The following SLC16A7 variants were observed in gnomAD, a reference collection of about 807,000 sequenced individuals.
SLC16A7 encodes solute carrier family 16 member 7.
In SLC16A7, 33 loss-of-function variants were observed where a neutral mutation model predicts 34.9. That is an observed-to-expected ratio of 0.94 (90% CI 0.72 to 1.26). SLC16A7 has a LOEUF of 1.26. SLC16A7 is among the 50% of genes most tolerant of loss of function. The probability of loss-of-function intolerance (pLI) is 0.00; values close to 1 mark genes in which losing one functional copy is unlikely to be tolerated. For synonymous variants in SLC16A7, 201 were observed against 206.6 expected, an observed-to-expected ratio of 0.97 and a Z score of 0.23; for missense variants, 573 against 578.1, an observed-to-expected ratio of 0.99 and a Z score of 0.09.
intron 5 of SLC16A7, among the ~76,000 whole-genome samples, chr12:59,776,384 G>C (rs138080908): frequency 3.3e-5 from 5 of 152,250 alleles, no homozygotes; most frequent in African/African-American, 1.2e-4. Flanking sequence ...AGAGCATTTT[G>C]AAGTTAAAAC....
chr12:59,703,872 ATGTTTT>A (rs1214461996), intron 2 of SLC16A7, among the ~76,000 whole-genome samples: 1 of 152,130 alleles, frequency 6.6e-6, no homozygotes, highest in Non-Finnish European at 1.5e-5. Flanking sequence ...ATAACAAAAC[ATGTTTT>A]ACACCTTAAA....
chr12:59,669,275 C>T (rs1369411603), intron 2 of SLC16A7, among the ~76,000 whole-genome samples: 2 of 152,148 alleles, frequency 1.3e-5, no homozygotes, highest in African/African-American at 4.8e-5. Flanking sequence ...AAACAATCCA[C>T]ATACAATTTG....
chr12:59,720,457 AG>A (rs1348903296), intron 3 of SLC16A7, among the ~76,000 whole-genome samples: 1 of 152,112 alleles, frequency 6.6e-6, no homozygotes, highest in Non-Finnish European at 1.5e-5. Flanking sequence ...TGTCAGACCA[AG>A]GAATGTCCTG....
At chr12:59,628,721 G>A (rs1880045714) in intron 1 of SLC16A7, among the ~76,000 whole-genome samples, 1 of 151,706 alleles carries the variant, frequency 6.6e-6, no homozygotes, top group Non-Finnish European at 1.5e-5. Context: ...TCAGGGCCTG[G>A]CATATGAAAG....
chr12:59,727,300 G>T (rs1321567201), intron 3 of SLC16A7, among the ~76,000 whole-genome samples: 2 of 152,004 alleles, frequency 1.3e-5, no homozygotes, highest in Non-Finnish European at 2.9e-5. Flanking sequence ...CAATGGAGCA[G>T]TGGCTACTTA....
At chr12:59,765,284 C>T (rs977947502) in intron 3 of SLC16A7, among the ~76,000 whole-genome samples, 6 of 152,064 alleles carry the variant, frequency 3.9e-5, no homozygotes, top group African/African-American at 1.4e-4. Context: ...CTGTAGGTTG[C>T]CTGTTCACTC....
chr12:59,714,206 T>C (rs1565667655), intron 3 of SLC16A7, among the ~76,000 whole-genome samples: 1 of 152,132 alleles, frequency 6.6e-6, no homozygotes, highest in Non-Finnish European at 1.5e-5. Context: ...GATTGATCTA[T>C]GGTGAAAAGA....
chr12:59,723,238 T>C (rs1795898), intron 3 of SLC16A7, among the ~76,000 whole-genome samples: 18,632 of 151,886 alleles, frequency 0.12, 1,497 homozygotes, highest in African/African-American at 0.22. Flanking sequence ...CAATCCTAGT[T>C]CTTGCCCTGC....
At chr12:59,616,568 G>A (rs536468482) in intron 1 of SLC16A7, among the ~76,000 whole-genome samples, 2 of 152,194 alleles carry the variant, frequency 1.3e-5, no homozygotes, top group African/African-American at 2.4e-5. Flanking sequence ...TTTGCCTTCA[G>A]TTGTGCAAAA....
chr12:59,686,793 C>T (rs1019484641), intron 2 of SLC16A7, among the ~76,000 whole-genome samples: 1 of 152,000 alleles, frequency 6.6e-6, no homozygotes, highest in Non-Finnish European at 1.5e-5. Context: ...TGGTGTCTGA[C>T]TTAATCCTTC....
intron 2 of SLC16A7, among the ~76,000 whole-genome samples, chr12:59,662,041 A>G (rs997762337): frequency 1.3e-5 from 2 of 152,076 alleles, no homozygotes; most frequent in African/African-American, 4.8e-5. Context: ...CAGATGAGAA[A>G]AGAAATGTGT....
intron 4 of SLC16A7, among the ~76,000 whole-genome samples, chr12:59,773,175 T>C (rs557551118): frequency 6.6e-6 from 1 of 152,224 alleles, no homozygotes; most frequent in East Asian, 1.9e-4. Context: ...ACTTACAAGC[T>C]ACTTGACCAT....
intron 3 of SLC16A7, among the ~76,000 whole-genome samples, chr12:59,742,118 C>T (rs1394967911): frequency 6.6e-6 from 1 of 152,112 alleles, no homozygotes; most frequent in East Asian, 1.9e-4. Flanking sequence ...TGCACAGTGC[C>T]CTCCTTGCTC....
intron 3 of SLC16A7, among the ~76,000 whole-genome samples, chr12:59,739,251 T>C (rs1877997976): frequency 7.5e-6 from 1 of 134,206 alleles, no homozygotes; most frequent in South Asian, 2.4e-4. Flanking sequence ...TGTCCATATG[T>C]TCTCATTGTT....
intron 3 of SLC16A7, among the ~76,000 whole-genome samples, chr12:59,770,804 A>G (rs74096452): frequency 0.037 from 5,590 of 152,306 alleles, 311 homozygotes; most frequent in African/African-American, 0.13. Context: ...ATGTATGTGA[A>G]TACAGACACA....
intron 1 of SLC16A7, among the ~76,000 whole-genome samples, chr12:59,647,241 C>G (rs1221275159): frequency 6.6e-6 from 1 of 152,064 alleles, no homozygotes; most frequent in African/African-American, 2.4e-5. Flanking sequence ...TTGTAGTTCC[C>G]ATAATCCCCA....
intron 3 of SLC16A7, among the ~76,000 whole-genome samples, chr12:59,770,718 A>C (rs1164411820): frequency 6.6e-6 from 1 of 152,192 alleles, no homozygotes. Context: ...TCTTAGAATC[A>C]ATAAATTATA....
At chr12:59,703,065 TTGAG>T (rs1167259680) in intron 2 of SLC16A7, among the ~76,000 whole-genome samples, 2 of 152,096 alleles carry the variant, frequency 1.3e-5, no homozygotes, top group African/African-American at 4.8e-5. Flanking sequence ...ACAGTATTTA[TTGAG>T]TGAGATCCCC....
intron 2 of SLC16A7, among the ~76,000 whole-genome samples, chr12:59,682,420 G>A (rs1337926569): frequency 6.6e-6 from 1 of 152,176 alleles, no homozygotes; most frequent in African/African-American, 2.4e-5. Context: ...TCCTTGGGCT[G>A]AGGTCACTGT....
Sources: gnomAD v4.1 joint callset for allele counts (sites outside exome capture counted in the v4.1 genomes callset) on GRCh38, gnomAD v4.1.1 for gene constraint, MANE v1.5 for transcripts, NCBI Gene and HGNC (gene_info 2026-07-23, HGNC 2026-07-21) for gene names.